The following ADAM10 variants were observed in gnomAD, a reference collection of about 807,000 sequenced individuals.
ADAM10 encodes the protein disintegrin and metalloproteinase domain-containing protein 10.
In ADAM10, 17 loss-of-function variants were observed where a neutral mutation model predicts 90.1. That is an observed-to-expected ratio of 0.19 (90% confidence interval 0.13 to 0.28). The LOEUF (loss-of-function observed/expected upper bound fraction) is 0.28, where lower values mean the gene tolerates loss of function less well. Among genes scored for constraint, ADAM10 ranks in the 10% least tolerant of loss-of-function variants. The pLI is 1.00. For synonymous variants in ADAM10, 310 were observed against 298.6 expected, an observed-to-expected ratio of 1.04 and a Z score of -0.40; for missense variants, 610 against 914.3, an observed-to-expected ratio of 0.67 and a Z score of 4.29.
chr15:58,620,948 G>A lies in ADAM10; in HGVS notation c.1511+523C>T, dbSNP rs1317123028. Among the ~76,000 whole-genome samples, 13 of 41,316 alleles carry A rather than the reference G, an allele frequency of 3.1e-4. 6 individuals are homozygous for A. Among genetic ancestry groups the A allele is most frequent in the Admixed American group, 2.1e-3 (8 of 3,884 alleles). 27.1% of individuals were successfully genotyped at this position (41,316 alleles called of 152,430 possible). A position where few individuals can be genotyped will look rare whatever the true frequency, so the allele number is the denominator to read the frequency against. On this transcript the variant is annotated intron_variant, in intron 11 of 15. Coordinates refer to ENST00000260408, the MANE Select transcript of ADAM10 (RefSeq NM_001110.4). ...CTCCCAAAGTGCTGGGATTACAGGC[G>A]TGAGCCACCGCGCCCGGCCAAGAAT... is the stretch of plus-strand genomic sequence containing the variant.
intron 9 of ADAM10, chr15:58,629,316 C>CTGCTGCATAAATCCATTACAGATAT (rs1896034717): frequency 6.6e-6 from 1 of 152,190 alleles, no homozygotes; most frequent in African/African-American, 2.4e-5. Context: ...GTCTGACTTG[C>CTGCTGCATAAATCCATTACAGATAT]TGCTGCATAA....
chr15:58,710,289 T>C (rs1898434631), intron 2 of ADAM10, among the ~76,000 whole-genome samples: 3 of 152,182 alleles, frequency 2.0e-5, no homozygotes, highest in South Asian at 2.1e-4. Context: ...ATATTTCATA[T>C]TAAAATTATA....
At position 58,720,403 on chromosome 15, in the gene ADAM10, T is replaced by A. The variant is rs2059622; in HGVS notation, c.56-2676A>T. Among the ~76,000 whole-genome samples the A allele has an allele frequency of 1.6e-3, 32 of 20,196 alleles. 1 individual carries two copies. The highest frequency in any genetic ancestry group is 0.015 in the South Asian group (16 of 1,050). The allele number at this position is 20,196 out of a possible 152,430, so 13.2% of individuals were successfully genotyped here. ...TATTTTATTTTATTTTATTTTATTT[T>A]ATTTTTTTTTTTTTTGAGACAGAGT... On this transcript the variant is annotated intron_variant, in intron 1 of 15. Coordinates refer to ENST00000260408, the MANE Select transcript of ADAM10 (RefSeq NM_001110.4).
intron 4 of ADAM10, among the ~76,000 whole-genome samples, chr15:58,675,908 A>G (rs1276145456): frequency 1.3e-5 from 2 of 152,334 alleles, no homozygotes; most frequent in Non-Finnish European, 2.9e-5. Flanking sequence ...TGGTAAGGAT[A>G]ACATATACAA....
At chr15:58,690,163 G>GA (rs1897738925) in intron 2 of ADAM10, among the ~76,000 whole-genome samples, 1 of 152,112 alleles carries the variant, frequency 6.6e-6, no homozygotes, top group South Asian at 2.1e-4. Flanking sequence ...ATTAGGTACA[G>GA]AAAAAGCATC....
At chr15:58,717,910 A>G (rs1179974365) in intron 1 of ADAM10, among the ~76,000 whole-genome samples, 183 bp from the exon 2 acceptor site, 1 of 152,150 alleles carries the variant, frequency 6.6e-6, no homozygotes, top group Non-Finnish European at 1.5e-5. Context: ...GGTAATTCCA[A>G]CCGCACACAC....
At chr15:58,693,864 A>G (rs1406028797) in intron 2 of ADAM10, among the ~76,000 whole-genome samples, 1 of 152,156 alleles carries the variant, frequency 6.6e-6, no homozygotes, top group Non-Finnish European at 1.5e-5. Flanking sequence ...AAAACCTCTT[A>G]CAAATCAATA....
At chr15:58,599,096 G>A (rs1447774305) in intron 15 of ADAM10, among the ~76,000 whole-genome samples, 1 of 150,608 alleles carries the variant, frequency 6.6e-6, no homozygotes. Context: ...GGCTAAAGTG[G>A]GGAGGATTGC....
At position 58,749,548 on chromosome 15, in the gene ADAM10, T is replaced by C. The variant is rs201877941; in HGVS notation, c.-14A>G. ...CAGCAACACCATCTTCCGCTGCCGC[T>C]GCCGCCGCCGCCGCCTCCTCACGGG... On this transcript the variant is annotated 5_prime_UTR_variant, in exon 1 of 16. Coordinates refer to ENST00000260408, the MANE Select transcript of ADAM10 (RefSeq NM_001110.4). 16 of 1,550,940 alleles carry C rather than the reference T, an allele frequency of 1.0e-5. No homozygotes were observed. The South Asian group carries it at 1.5e-4, about 15-fold the overall frequency.
Position 58,632,290 on chromosome 15 carries a change from G to T in ADAM10, c.1176+906C>A, listed in dbSNP as rs182241986. On this transcript the variant is annotated intron_variant, in intron 9 of 15. Transcript: ENST00000260408. ...TAGGTGTAATAACCACATTGTAGTT[G>T]TATTAGAAAATGTCTATTTTTTCAG... 7.2e-5 allele frequency among the ~76,000 whole-genome samples: 11 copies of T among 152,276 alleles called. No individual in the cohort carries two copies. The East Asian group carries it at 2.1e-3, about 29-fold the overall frequency.
chr15:58,703,279 T>G (rs1383198288), intron 2 of ADAM10, among the ~76,000 whole-genome samples: 3 of 146,818 alleles, frequency 2.0e-5, no homozygotes, highest in Non-Finnish European at 3.0e-5. Flanking sequence ...GGAAAACAAT[T>G]TGGTATTCCC....
At chr15:58,671,048 C>T (rs6494033) in intron 4 of ADAM10, among the ~76,000 whole-genome samples, 41,061 of 151,946 alleles carry the variant, frequency 0.27, 8,184 homozygotes, top group African/African-American at 0.56. Flanking sequence ...CATATATATG[C>T]CATGCCTCAG....
chr15:58,631,088 GAT>G (rs1342270751), intron 9 of ADAM10, among the ~76,000 whole-genome samples: 1 of 152,108 alleles, frequency 6.6e-6, no homozygotes, highest in African/African-American at 2.4e-5. Context: ...CCCACCATGT[GAT>G]CTCTGCACAT....
At chr15:58,671,281 A>T (rs1897184706) in intron 4 of ADAM10, among the ~76,000 whole-genome samples, 1 of 152,222 alleles carries the variant, frequency 6.6e-6, no homozygotes, top group Non-Finnish European at 1.5e-5. Context: ...ACAAGATAGC[A>T]AGACTGCTTA....
At position 58,703,192 on chromosome 15, in the gene ADAM10, C is replaced by A. The variant is rs1035181694; in HGVS notation, c.206+14385G>T. Among the ~76,000 whole-genome samples, 5 of 147,606 alleles carry A rather than the reference C, an allele frequency of 3.4e-5. No individual in the cohort carries two copies. The Admixed American group carries it at 3.5e-4, about 10-fold the overall frequency. On this transcript the variant is annotated intron_variant, in intron 2 of 15. Coordinates refer to ENST00000260408, the MANE Select transcript of ADAM10 (RefSeq NM_001110.4). ...AAAGCTATCTGAAAACAACCAGATTCTTTAATTGTTTAGACTTCGACTCAA... is the reference window on the plus strand; with the variant it reads ...AAAGCTATCTGAAAACAACCAGATTATTTAATTGTTTAGACTTCGACTCAA...
In ADAM10 at chr15:58,595,578, A is replaced by G. The variant is rs535010681; in HGVS notation, c.*1969T>C. On this transcript the variant is annotated 3_prime_UTR_variant, in exon 16 of 16. Coordinates refer to ENST00000260408, the MANE Select transcript of ADAM10 (RefSeq NM_001110.4). ...AGATCTCATTTGTCTTGATCCTTTT[A>G]TATTACCACATCTTGATTCGCAGTG... 32 of 152,260 alleles carry G rather than the reference A, an allele frequency of 2.1e-4. No homozygotes were observed. The highest frequency in any genetic ancestry group is 2.1e-4 in the South Asian group (1 of 4,826). 9.4% of individuals were successfully genotyped at this position (152,260 alleles called of 1,614,324 possible).
At chr15:58,599,284 A>G (rs1255319271) in intron 15 of ADAM10, among the ~76,000 whole-genome samples, 2 of 152,112 alleles carry the variant, frequency 1.3e-5, no homozygotes, top group Non-Finnish European at 2.9e-5. Flanking sequence ...GTAGTTCACC[A>G]TAATCATGGC....
intron 4 of ADAM10, among the ~76,000 whole-genome samples, chr15:58,667,505 C>G (rs1361865658): frequency 6.6e-6 from 1 of 152,072 alleles, no homozygotes; most frequent in Non-Finnish European, 1.5e-5. Context: ...AGATGACCCT[C>G]TAATAGTCAA....
At chr15:58,671,585 G>C (rs1191647127) in intron 4 of ADAM10, among the ~76,000 whole-genome samples, 1 of 152,166 alleles carries the variant, frequency 6.6e-6, no homozygotes, top group Admixed American at 6.5e-5. Context: ...TATAAGAGTT[G>C]AGCCTTGGCC....
Sources: allele counts gnomAD v4.1 joint callset (sites outside exome capture counted in the v4.1 genomes callset), GRCh38; gene constraint gnomAD v4.1.1; transcripts MANE v1.5; gene names NCBI Gene and HGNC (gene_info 2026-07-23, HGNC 2026-07-21).